Variants in INPP4B observed in about 807,000 individuals in gnomAD.
The protein encoded by INPP4B is inositol polyphosphate-4-phosphatase type II B.
Under a neutral mutation model 122.5 loss-of-function variants are expected in INPP4B, and 55 were observed. That is an observed-to-expected ratio of 0.45 (90% confidence interval 0.36 to 0.56). The LOEUF is 0.56. INPP4B is among the 20% of genes least tolerant of loss of function. INPP4B has a pLI of 0.00. For synonymous variants in INPP4B, 403 were observed against 388.7 expected (o/e 1.04, Z -0.43); for missense variants, 1,000 against 1,097.7 (o/e 0.91, Z 1.26).
intron 7 of INPP4B, among the ~76,000 whole-genome samples, chr4:142,334,306 G>A (rs1775764722): frequency 6.6e-6 from 1 of 152,076 alleles, no homozygotes; most frequent in Non-Finnish European, 1.5e-5. Flanking sequence ...GTGTACATAT[G>A]TGTATATAGC....
intron 1 of INPP4B, among the ~76,000 whole-genome samples, chr4:142,762,430 C>G (rs1354375922): frequency 6.6e-6 from 1 of 152,100 alleles, no homozygotes; most frequent in Non-Finnish European, 1.5e-5. Context: ...TGGGAGCCAC[C>G]ATAATCCTGT....
intron 5 of INPP4B, among the ~76,000 whole-genome samples, chr4:142,411,671 C>G (rs1223082965): frequency 6.6e-6 from 1 of 152,156 alleles, no homozygotes; most frequent in African/African-American, 2.4e-5. Context: ...GCAGGCGGAT[C>G]ACTTGAGGTC....
chr4:142,138,682 T>A (rs1400397868), intron 18 of INPP4B, among the ~76,000 whole-genome samples: 1 of 152,086 alleles, frequency 6.6e-6, no homozygotes, highest in Non-Finnish European at 1.5e-5. Flanking sequence ...AACCCCTTCA[T>A]CTATGAAATG....
At chr4:142,293,713 A>G (rs1757394065) in intron 9 of INPP4B, among the ~76,000 whole-genome samples, 2 of 152,202 alleles carry the variant, frequency 1.3e-5, no homozygotes, top group African/African-American at 4.8e-5. Flanking sequence ...TAGCTACGCT[A>G]TGACACAGAA....
chr4:142,135,711 C>T (rs1803748269), intron 18 of INPP4B, among the ~76,000 whole-genome samples: 1 of 152,182 alleles, frequency 6.6e-6, no homozygotes, highest in Admixed American at 6.5e-5. Context: ...ATTCAAAAAG[C>T]AGTAAATGAG....
chr4:142,669,557 A>G (rs1295782582), intron 2 of INPP4B, among the ~76,000 whole-genome samples: 1 of 152,212 alleles, frequency 6.6e-6, no homozygotes, highest in Non-Finnish European at 1.5e-5. Context: ...AGATTATACA[A>G]TAAAGCACAG....
chr4:142,533,034 G>A (rs973038222), intron 2 of INPP4B, among the ~76,000 whole-genome samples: 13 of 152,162 alleles, frequency 8.5e-5, no homozygotes, highest in Non-Finnish European at 1.9e-4. Context: ...TGAAAGGCAT[G>A]TCAAAAATAC....
At chr4:142,745,460 T>C (rs956258495) in intron 1 of INPP4B, among the ~76,000 whole-genome samples, 1 of 151,894 alleles carries the variant, frequency 6.6e-6, no homozygotes, top group African/African-American at 2.4e-5. Flanking sequence ...GCCTGACCAT[T>C]CACATGTTTT....
rs115275388 is a variant in INPP4B at position 142,140,868 on chromosome 4, C to T, written c.1720+4972G>A. 9.6e-3 allele frequency among the ~76,000 whole-genome samples: 1,461 copies of T among 152,208 alleles called. 26 individuals are homozygous for T. The highest frequency in any genetic ancestry group is 0.034 in the African/African-American group (1,392 of 41,538). ...ATGTGAGTGTCAAAACAGTGAATGC[C>T]AGCTTAGATATCATTATATTAGAAT... On this transcript the variant is annotated intron_variant, in intron 18 of 25. Coordinates refer to ENST00000262992, the MANE Select transcript of INPP4B (RefSeq NM_001101669.3).
chr4:142,116,596 G>A (rs1793605599), intron 21 of INPP4B, among the ~76,000 whole-genome samples: 1 of 152,098 alleles, frequency 6.6e-6, no homozygotes, highest in African/African-American at 2.4e-5. Flanking sequence ...CAGAAATAAA[G>A]ATGTTCTTTG....
intron 7 of INPP4B, among the ~76,000 whole-genome samples, chr4:142,339,418 T>C (rs186176650): frequency 2.6e-5 from 4 of 152,322 alleles, no homozygotes; most frequent in African/African-American, 7.2e-5. Context: ...TCTTTTTCTA[T>C]AGAGCTCAGA....
chr4:142,146,024 AT>A, intron 17 of INPP4B, 28 bp from the exon 18 acceptor site: 1 of 1,586,998 alleles, frequency 6.3e-7, no homozygotes. Context: ...ATCACTACAT[AT>A]TTTTGTCACA....
intron 2 of INPP4B, among the ~76,000 whole-genome samples, chr4:142,487,541 A>G (rs1387433668): frequency 6.6e-6 from 1 of 152,078 alleles, no homozygotes; most frequent in Non-Finnish European, 1.5e-5. Flanking sequence ...TTATATATCA[A>G]TTTTTGGAGA....
At chr4:142,530,789 T>C (rs1246653656) in intron 2 of INPP4B, among the ~76,000 whole-genome samples, 1 of 151,848 alleles carries the variant, frequency 6.6e-6, no homozygotes, top group Non-Finnish European at 1.5e-5. Flanking sequence ...AAACAGCAAC[T>C]GAAGAGGCCT....
intron 7 of INPP4B, among the ~76,000 whole-genome samples, chr4:142,329,246 G>A (rs1773567654): frequency 6.6e-6 from 1 of 152,228 alleles, no homozygotes; most frequent in Non-Finnish European, 1.5e-5. Flanking sequence ...TCCCTGAGCA[G>A]GTAACTTTGA....
intron 24 of INPP4B, among the ~76,000 whole-genome samples, chr4:142,083,666 T>C (rs1343459323): frequency 6.6e-6 from 1 of 152,214 alleles, no homozygotes; most frequent in East Asian, 1.9e-4. Flanking sequence ...CTTGAATTTA[T>C]ACATCACTAT....
In INPP4B at chr4:142,246,135, CAT is replaced by C. The variant is rs1222452129; in HGVS notation, c.689-8126_689-8125del. 1.1e-4 allele frequency among the ~76,000 whole-genome samples: 16 copies of C among 148,166 alleles called. No homozygotes were observed. In the South Asian group the frequency reaches 3.0e-3, roughly 27 times the overall value. On this transcript the variant is annotated intron_variant, in intron 11 of 25. Transcript: ENST00000262992. ...ATATATATGTGTATGTATACACACA[CAT>C]ATATATATACATATATGTGTTTTGG...
chr4:142,842,902 TATA>T (rs1459224575), intron 1 of INPP4B, among the ~76,000 whole-genome samples: 1 of 139,842 alleles, frequency 7.2e-6, no homozygotes, highest in African/African-American at 2.6e-5. Context: ...TATATTTATA[TATA>T]ATAATATATA....
chr4:142,205,253 C>T (rs527839925), intron 14 of INPP4B, among the ~76,000 whole-genome samples: 57 of 152,224 alleles, frequency 3.7e-4, no homozygotes, highest in African/African-American at 1.1e-3. Flanking sequence ...AATCAACAAA[C>T]ATTTGAATAC....
Sources: gnomAD v4.1 joint callset for allele counts (sites outside exome capture counted in the v4.1 genomes callset) on GRCh38, gnomAD v4.1.1 for gene constraint, MANE v1.5 for transcripts, NCBI Gene and HGNC (gene_info 2026-07-23, HGNC 2026-07-21) for gene names.